ZMYM2: variants seen among roughly 807,000 people sequenced by gnomAD.
ZMYM2 encodes the protein zinc finger MYM-type protein 2.
In ZMYM2, 56 loss-of-function variants were observed where a neutral mutation model predicts 162.8. The observed-to-expected ratio is 0.34, with a 90% CI of 0.28 to 0.43. ZMYM2 has a LOEUF of 0.43. Ranked by LOEUF, ZMYM2 falls within the 20% of genes least tolerant of loss-of-function variation. The pLI is 1.00. For missense variants in ZMYM2, 1,275 were observed against 1,621.8 expected, an observed-to-expected ratio of 0.79 and a Z score of 3.67; for synonymous variants, 510 against 541.6, an observed-to-expected ratio of 0.94 and a Z score of 0.81.
chr13:19,973,868 G>C (rs1956553220), intron 2 of ZMYM2, among the ~76,000 whole-genome samples: 1 of 151,694 alleles, frequency 6.6e-6, no homozygotes. Flanking sequence ...TTTAGTTGTT[G>C]TTAGCTCATC....
At chr13:19,987,954 C>G (rs1949310624) in intron 2 of ZMYM2, among the ~76,000 whole-genome samples, 1 of 152,172 alleles carries the variant, frequency 6.6e-6, no homozygotes, top group African/African-American at 2.4e-5. Context: ...TTGCGATTTT[C>G]CAGTCTCAGC....
chr13:19,974,632 C>T (rs185070109), intron 2 of ZMYM2, among the ~76,000 whole-genome samples: 6 of 152,004 alleles, frequency 3.9e-5, no homozygotes, highest in East Asian at 3.9e-4. Context: ...CCACCACACC[C>T]GGCTGATTTT....
Position 20,046,826 on chromosome 13 carries a change from T to G in ZMYM2, c.2293-4607T>G, listed in dbSNP as rs958406294. On this transcript the variant is annotated intron_variant, in intron 12 of 24. Coordinates refer to ENST00000610343, the MANE Select transcript of ZMYM2 (RefSeq NM_197968.4). ...CGTGTGTTCCACCTTGCTATGTTTT[T>G]TAAAAGATAGTTATTTCTGTTTTCA... Among the ~76,000 whole-genome samples, 3 of 151,972 alleles carry G rather than the reference T, an allele frequency of 2.0e-5. No individual in the cohort carries two copies. The South Asian group carries it at 6.2e-4, about 32-fold the overall frequency.
chr13:19,967,014 A>G (rs1210934408), intron 2 of ZMYM2, among the ~76,000 whole-genome samples: 1 of 152,162 alleles, frequency 6.6e-6, no homozygotes, highest in African/African-American at 2.4e-5. Flanking sequence ...TCTCTCTTCC[A>G]TGACACAGAC....
the ZMYM2 span, among the ~76,000 whole-genome samples, chr13:19,928,323 G>A: frequency 6.6e-6 from 1 of 151,924 alleles, no homozygotes; most frequent in Non-Finnish European, 1.5e-5. Flanking sequence ...TTATTGATTT[G>A]TAGGAATATT....
chr13:20,003,882 C>T lies in ZMYM2; in HGVS notation c.1133+747C>T, dbSNP rs77017878. Among the ~76,000 whole-genome samples, 960 of 152,328 alleles carry T rather than the reference C, an allele frequency of 6.3e-3. 16 individuals are homozygous for T. Among genetic ancestry groups the T allele is most frequent in the African/African-American group, 0.022 (898 of 41,574 alleles). On this transcript the variant is annotated intron_variant, in intron 4 of 24. Coordinates refer to ENST00000610343, the MANE Select transcript of ZMYM2 (RefSeq NM_197968.4). Reference sequence around the variant, plus strand: ...CAGACTGGTCTTCAGCTCCTGACCTCAGGTGATCTGCCCACCTCAGCCTCC... The same window carrying T: ...CAGACTGGTCTTCAGCTCCTGACCTTAGGTGATCTGCCCACCTCAGCCTCC...
At chr13:19,939,096 T>G in the ZMYM2 span, among the ~76,000 whole-genome samples, 1 of 149,836 alleles carries the variant, frequency 6.7e-6, no homozygotes, top group Non-Finnish European at 1.5e-5. Flanking sequence ...TGATCTCGGC[T>G]CACTGCAACC....
chr13:20,068,177 A>C (rs1365417771), intron 21 of ZMYM2: 6 of 181,318 alleles, frequency 3.3e-5, no homozygotes, highest in Non-Finnish European at 4.7e-5. Flanking sequence ...TATATCTTGC[A>C]GTAGCAACCT....
At chr13:19,948,303 A>G in the ZMYM2 span, among the ~76,000 whole-genome samples, 2 of 152,232 alleles carry the variant, frequency 1.3e-5, no homozygotes, top group Non-Finnish European at 1.5e-5. Flanking sequence ...GCACATGGGT[A>G]TTTATAGAAG....
the ZMYM2 span, among the ~76,000 whole-genome samples, chr13:19,897,556 TA>T: frequency 5.0e-4 from 67 of 134,106 alleles, no homozygotes; most frequent in Admixed American, 6.0e-4. Flanking sequence ...CGCACAATAT[TA>T]AAAAAAAAAA....
rs1159665598 is a variant in ZMYM2 at position 20,086,890 on chromosome 13, G to T, written c.*876G>T. 5.7e-6 allele frequency: 1 copy of T among 174,812 alleles called. No individual in the cohort carries two copies. Among genetic ancestry groups the T allele is most frequent in the Non-Finnish European group, 1.2e-5 (1 of 81,388 alleles). 10.8% of individuals were successfully genotyped at this position (174,812 alleles called of 1,614,324 possible). The stretch of plus-strand genomic sequence containing the variant: ...TAAAATTCTGTTTTCTTCTATGCCA[G>T]CCATAAGTATCTGAAATCCTCTTCA... On this transcript the variant is annotated 3_prime_UTR_variant, in exon 25 of 25. Transcript: ENST00000610343.
At chr13:19,866,431 C>G in the ZMYM2 span, among the ~76,000 whole-genome samples, 1 of 151,932 alleles carries the variant, frequency 6.6e-6, no homozygotes, top group African/African-American at 2.4e-5. Context: ...TTTGGAAGGC[C>G]GAGACGGGCA....
chr13:19,923,922 C>T, the ZMYM2 span, among the ~76,000 whole-genome samples: 3 of 152,018 alleles, frequency 2.0e-5, no homozygotes, highest in Non-Finnish European at 2.9e-5. Context: ...CCACCCACCT[C>T]GGCCTCACAA....
chr13:19,875,626 CAAAAAAA>C, the ZMYM2 span, among the ~76,000 whole-genome samples: 1 of 54,882 alleles, frequency 1.8e-5, no homozygotes, highest in African/African-American at 7.4e-5. Context: ...GACTCCATCG[CAAAAAAA>C]AAAAAAAAAA....
In ZMYM2 at chr13:20,019,537, C is replaced by A; in HGVS notation, c.1513-10C>A. The A allele has an allele frequency of 2.6e-6, 4 of 1,567,544 alleles. No homozygotes were observed. The highest frequency in any genetic ancestry group is 3.5e-6 in the Non-Finnish European group (4 of 1,156,258). ...GTGTGTTTATAAAGTCTTTTAAAATCTTTTTTTAGGTAGGTAGCCATCCAA... is the reference window on the plus strand; with the variant it reads ...GTGTGTTTATAAAGTCTTTTAAAATATTTTTTTAGGTAGGTAGCCATCCAA... On this transcript the variant is annotated splice_polypyrimidine_tract_variant and intron_variant, in intron 6 of 24. Coordinates refer to ENST00000610343, the MANE Select transcript of ZMYM2 (RefSeq NM_197968.4).
intron 21 of ZMYM2, among the ~76,000 whole-genome samples, chr13:20,073,054 C>A (rs1957212287): frequency 6.6e-6 from 1 of 151,934 alleles, no homozygotes; most frequent in Non-Finnish European, 1.5e-5. Context: ...ATTACAGGTG[C>A]CTGCCACCAC....
chr13:20,086,610 G>A lies in ZMYM2; in HGVS notation c.*596G>A, dbSNP rs1958282212. ...TACCAAAAATAGACAAGAGAATGCT[G>A]TCAATATTGGTGTACTGTAATGTGA... is the stretch of plus-strand genomic sequence containing the variant. On this transcript the variant is annotated 3_prime_UTR_variant, in exon 25 of 25. Coordinates refer to ENST00000610343, the MANE Select transcript of ZMYM2 (RefSeq NM_197968.4). 1 of 198,686 alleles carries A rather than the reference G, an allele frequency of 5.0e-6. No homozygotes were observed. The highest frequency in any genetic ancestry group is 1.9e-4 in the South Asian group (1 of 5,232). 12.3% of individuals were successfully genotyped at this position (198,686 alleles called of 1,614,324 possible).
chr13:19,884,876 G>A, the ZMYM2 span, among the ~76,000 whole-genome samples: 1 of 152,032 alleles, frequency 6.6e-6, no homozygotes, highest in African/African-American at 2.4e-5. Flanking sequence ...GCGGGTGGCC[G>A]GCTTTTATTC....
chr13:19,884,961 C>G, the ZMYM2 span, among the ~76,000 whole-genome samples: 2 of 152,046 alleles, frequency 1.3e-5, no homozygotes, highest in South Asian at 4.1e-4. Context: ...TTACAGAGTG[C>G]TGATTGGTAT....
Sources: gnomAD v4.1 joint callset for allele counts (sites outside exome capture counted in the v4.1 genomes callset) on GRCh38, gnomAD v4.1.1 for gene constraint, MANE v1.5 for transcripts, NCBI Gene and HGNC (gene_info 2026-07-23, HGNC 2026-07-21) for gene names.